The following TLE3 variants were observed in gnomAD, a reference collection of about 807,000 sequenced individuals.
TLE3 encodes transducin-like enhancer protein 3.
A neutral mutation model predicts 93.0 loss-of-function variants in TLE3; 14 were observed. The observed-to-expected ratio is 0.15, with a 90% CI of 0.10 to 0.24. The LOEUF (loss-of-function observed/expected upper bound fraction) is 0.24. Among genes scored for constraint, TLE3 ranks in the 10% least tolerant of loss-of-function variants. The pLI, the probability that TLE3 is intolerant of heterozygous loss-of-function variation, is 1.00. For synonymous variants in TLE3, 451 were observed against 425.0 expected, an observed-to-expected ratio of 1.06 and a Z score of -0.75; for missense variants, 693 against 1,046.6, an observed-to-expected ratio of 0.66 and a Z score of 4.66.
chr15:70,060,534 C>G lies in TLE3; in HGVS notation c.710G>C (p.Arg237Pro). ...GCCATGGCGCCTTGGACGTACGTAT[C>G]GGCTCAAGCTGTCCTTCTCCTCCGC... ...RKAEEKDSLS[R>P]YDSDGDKSDD... Residue 237 changes from arginine (R) to proline (P), a missense_variant, in exon 9 of 20, where the codon CGA becomes CCA. Arg to Pro is a moderately radical substitution (Grantham distance 103, BLOSUM62 -2). This residue lies in a region of TLE3 where 405 missense variants were observed against 468.9 expected (regional missense o/e 0.86). Coordinates refer to ENST00000451782, the MANE Select transcript of TLE3 (RefSeq NM_001105192.3). 6.2e-7 allele frequency: 1 copy of G among 1,613,828 alleles called. No individual in the cohort carries two copies. Among genetic ancestry groups the G allele is most frequent in the Non-Finnish European group, 8.5e-7 (1 of 1,179,802 alleles).
intron 4 of TLE3, among the ~76,000 whole-genome samples, chr15:70,081,002 A>G (rs1171072223): frequency 6.6e-6 from 1 of 152,080 alleles, no homozygotes; most frequent in Non-Finnish European, 1.5e-5. Flanking sequence ...GTACCTGTGG[A>G]CTCTGAATGC....
intron 6 of TLE3, among the ~76,000 whole-genome samples, chr15:70,071,908 G>A (rs1035887670): frequency 6.6e-6 from 1 of 152,118 alleles, no homozygotes; most frequent in Non-Finnish European, 1.5e-5. Flanking sequence ...CTGCAGGCTC[G>A]CTCTCTGCTC....
intron 3 of TLE3, 84 bp downstream of exon 3, chr15:70,095,493 TG>T: frequency 1.3e-6 from 2 of 1,547,130 alleles, no homozygotes; most frequent in Non-Finnish European, 1.7e-6. Flanking sequence ...GGTGGGGACC[TG>T]GCGCTCATCT....
intron 6 of TLE3, chr15:70,066,962 AC>A: frequency 6.0e-6 from 2 of 332,986 alleles, no homozygotes; most frequent in South Asian, 2.2e-5. Flanking sequence ...AAAGCAGCAG[AC>A]CCCAGAGGAT....
intron 13 of TLE3, among the ~76,000 whole-genome samples, chr15:70,056,758 T>C (rs1056535429): frequency 1.3e-5 from 2 of 152,148 alleles, no homozygotes; most frequent in Admixed American, 6.5e-5. Context: ...ACCCTAACTC[T>C]TCTTTTTATT....
At chr15:70,074,707 C>G in intron 5 of TLE3, 100 bp from the exon 6 acceptor site, 1 of 945,816 alleles carries the variant, frequency 1.1e-6, no homozygotes, top group Non-Finnish European at 1.5e-6. Flanking sequence ...AGGCCCAGAG[C>G]AGACAGAGGA....
intron 4 of TLE3, among the ~76,000 whole-genome samples, chr15:70,088,250 C>G (rs1003974814): frequency 3.3e-5 from 5 of 152,172 alleles, no homozygotes; most frequent in African/African-American, 1.2e-4. Context: ...TCCTAAGGAC[C>G]CTCAGTAGGG....
At chr15:70,087,752 G>A (rs1254454726) in intron 4 of TLE3, among the ~76,000 whole-genome samples, 1 of 152,212 alleles carries the variant, frequency 6.6e-6, no homozygotes, top group Non-Finnish European at 1.5e-5. Context: ...TCCCTTCACA[G>A]GACACATTGG....
In TLE3 at chr15:70,058,034, G is replaced by A. The variant is rs1424022812; in HGVS notation, c.1051+125C>T. On this transcript the variant is annotated intron_variant, in intron 12 of 19. Transcript: ENST00000451782. The surrounding 1 kb of genome is among the most constrained non-coding windows in gnomAD (Gnocchi z 4.1). ...TCAAATCTGACCGTGAAGTCCCCAG[G>A]GGCAGGCCCTGGGAGACACTGCCTG... 5 of 1,453,600 alleles carry A rather than the reference G, an allele frequency of 3.4e-6. No individual in the cohort carries two copies. Among genetic ancestry groups the A allele is most frequent in the East Asian group, 4.9e-5 (2 of 40,812 alleles). The allele number at this position is 1,453,600 out of a possible 1,614,324, so 90.0% of individuals were successfully genotyped here. A position where few individuals can be genotyped will look rare whatever the true frequency, so the allele number is the denominator to read the frequency against.
In TLE3 at chr15:70,095,887, C is replaced by G. The variant is rs2058531400; in HGVS notation, c.126-246G>C. On this transcript the variant is annotated intron_variant, in intron 2 of 19. Transcript: ENST00000451782. ...CGGCAGCAGGGGAGTAGGACCCTGA[C>G]GCTGGCTCCCGACACCCAGAACCCG... The G allele has an allele frequency of 6.4e-6, 4 of 621,992 alleles. No individual in the cohort carries two copies. In the East Asian group the frequency reaches 1.1e-4, roughly 18 times the overall value. The allele number at this position is 621,992 out of a possible 1,614,324, so 38.5% of individuals were successfully genotyped here. A position where few individuals can be genotyped will look rare whatever the true frequency, so the allele number is the denominator to read the frequency against.
At chr15:70,074,686 G>A in intron 5 of TLE3, 79 bp from the exon 6 acceptor site, 2 of 1,268,956 alleles carry the variant, frequency 1.6e-6, no homozygotes, top group South Asian at 1.4e-5. Context: ...CACTGGCAGG[G>A]CCTCTCGGAG....
chr15:70,064,820 G>A (rs1276493592), intron 7 of TLE3, among the ~76,000 whole-genome samples: 3 of 151,442 alleles, frequency 2.0e-5, no homozygotes, highest in African/African-American at 7.3e-5. Flanking sequence ...TCTTTAGCAG[G>A]CTAGGGGTCT....
chr15:70,050,904 C>A, intron 19 of TLE3: 1 of 160,600 alleles, frequency 6.2e-6, no homozygotes, highest in Non-Finnish European at 1.4e-5. Context: ...TATGGCAGGC[C>A]CCAGATCCTG....
At position 70,096,655 on chromosome 15, in the gene TLE3, G is replaced by GCACA. The variant is rs773466972; in HGVS notation, c.24+116_24+119dup. 6.4e-6 allele frequency: 10 copies of GCACA among 1,552,594 alleles called. No homozygotes were observed. The East Asian group carries it at 1.5e-4, about 23-fold the overall frequency. On this transcript the variant is annotated intron_variant, in intron 1 of 19. Coordinates refer to ENST00000451782, the MANE Select transcript of TLE3 (RefSeq NM_001105192.3). Reference sequence around the variant, plus strand: ...CGGCCGCATCCCCCTTTGTGTGAGAGCACACACACAAACACACACACCATA... The same window carrying GCACA: ...CGGCCGCATCCCCCTTTGTGTGAGAGCACACACACACACAAACACACACACCATA...
In TLE3 at chr15:70,049,333, C is replaced by T. The variant is rs2055318336; in HGVS notation, c.*764G>A. ...GGGCCCCCATCTCAGTGCCTTCCAT[C>T]CCTCAGTCTGGCCGGCTGGTTATCA... On this transcript the variant is annotated 3_prime_UTR_variant, in exon 20 of 20. Coordinates refer to ENST00000451782, the MANE Select transcript of TLE3 (RefSeq NM_001105192.3). 1 of 152,258 alleles carries T rather than the reference C, an allele frequency of 6.6e-6. No homozygotes were observed. The highest frequency in any genetic ancestry group is 2.1e-4 in the South Asian group (1 of 4,838). The allele number at this position is 152,258 out of a possible 1,614,324, so 9.4% of individuals were successfully genotyped here.
At chr15:70,056,936 A>G (rs751907263) in intron 13 of TLE3, among the ~76,000 whole-genome samples, 17 of 151,994 alleles carry the variant, frequency 1.1e-4, no homozygotes, top group Non-Finnish European at 2.1e-4. Flanking sequence ...TTTAGTAGAG[A>G]TGAGGTTTCA....
rs2055297089 is a variant in TLE3, at chr15:70,049,030, G to C, written c.*1067C>G. 6.7e-6 allele frequency: 1 copy of C among 149,728 alleles called. No homozygotes were observed. Among genetic ancestry groups the C allele is most frequent in the Non-Finnish European group, 1.5e-5 (1 of 67,630 alleles). The allele number at this position is 149,728 out of a possible 1,614,324, so 9.3% of individuals were successfully genotyped here. On this transcript the variant is annotated 3_prime_UTR_variant, in exon 20 of 20. Transcript: ENST00000451782. ...AAAAAAAAAAAAAGCACCCACATCA[G>C]TTGCTATTTTTCTCTGGTAGCTCCC...
At position 70,057,498 on chromosome 15, in the gene TLE3, G is replaced by A. The variant is rs754366618; in HGVS notation, c.1212C>T (p.Ala404=). The part of the protein sequence containing the change: ...PQMSAAAAAA[A]AAYGRSPMVS... ...CCATTGGCGATCGGCCATAGGCAGC[G>A]GCTGCAGCAGCGGCGGCGGCGCTCA... Residue 404 remains alanine, a synonymous_variant, in exon 13 of 20, where the codon GCC becomes GCT. Transcript: ENST00000451782. 1.9e-5 allele frequency: 31 copies of A among 1,608,910 alleles called. No homozygotes were observed. The highest frequency in any genetic ancestry group is 1.7e-4 in the Middle Eastern group (1 of 6,058).
intron 4 of TLE3, among the ~76,000 whole-genome samples, chr15:70,088,902 C>A (rs775460500): frequency 5.9e-5 from 9 of 151,930 alleles, no homozygotes; most frequent in African/African-American, 2.2e-4. Context: ...CCCCACCCCG[C>A]GGCAGATGGA....
Sources: gnomAD v4.1 joint callset for allele counts (sites outside exome capture counted in the v4.1 genomes callset) on GRCh38, gnomAD v4.1.1 for gene constraint, gnomAD v4.1.1 regional missense constraint, Gnocchi (gnomAD v3.1) non-coding constraint, MANE v1.5 for transcripts, NCBI Gene and HGNC (gene_info 2026-07-23, HGNC 2026-07-21) for gene names.